FANCC: variants seen among roughly 807,000 people sequenced by gnomAD.
FANCC encodes the protein FA complementation group C, also known as Fanconi anemia group C protein.
FANCC carries 55 observed loss-of-function variants against 71.3 expected under a neutral mutation model. The ratio of observed to expected loss-of-function variants is 0.77; its 90% CI spans 0.62 to 0.97. FANCC has a LOEUF of 0.97. Among genes scored for constraint, FANCC ranks in the 50% least tolerant of loss-of-function variants. FANCC has a pLI of 0.00. For synonymous variants in FANCC, 275 were observed against 244.9 expected, an observed-to-expected ratio of 1.12 and a Z score of -1.15; for missense variants, 678 against 670.9, an observed-to-expected ratio of 1.01 and a Z score of -0.12.
intron 4 of FANCC, among the ~76,000 whole-genome samples, chr9:95,240,236 C>T (rs922405904): frequency 2.6e-5 from 4 of 152,160 alleles, no homozygotes; most frequent in Non-Finnish European, 4.4e-5. Flanking sequence ...CTGCTCCCGC[C>T]GCACTGCTGA....
At chr9:95,235,279 G>T (rs1830242707) in intron 4 of FANCC, among the ~76,000 whole-genome samples, 2 of 152,244 alleles carry the variant, frequency 1.3e-5, no homozygotes, top group South Asian at 4.1e-4. Flanking sequence ...CCTGATGCAT[G>T]ATGAAGGTGG....
intron 1 of FANCC, among the ~76,000 whole-genome samples, chr9:95,264,692 A>G (rs1390850784): frequency 6.6e-6 from 1 of 152,202 alleles, no homozygotes; most frequent in East Asian, 1.9e-4. Context: ...GAATGCTACA[A>G]AACACACTAA....
rs146354746 is a variant in FANCC, at chr9:95,149,726, G to A, written c.686+197C>T. Among the ~76,000 whole-genome samples the A allele has an allele frequency of 0.01, 1,570 of 152,176 alleles. 25 individuals carry two copies. The highest frequency in any genetic ancestry group is 0.035 in the African/African-American group (1,453 of 41,528). On this transcript the variant is annotated intron_variant, in intron 7 of 14. Coordinates refer to ENST00000289081, the MANE Select transcript of FANCC (RefSeq NM_000136.3). ...ACTCCTGACCTCAGGTGATCCACCC[G>A]CCTTGGCCTCCCAAAGTGCTGGGAT... is the stretch of plus-strand genomic sequence containing the variant.
At chr9:95,170,679 T>TGTGTGTG (rs1554842441) in intron 6 of FANCC, among the ~76,000 whole-genome samples, 106 of 144,704 alleles carry the variant, frequency 7.3e-4, no homozygotes, top group East Asian at 1.2e-3. Context: ...TGTGTGTGTG[T>TGTGTGTG]TGGGAGCAGA....
In FANCC at chr9:95,100,784, T is replaced by C. The variant is rs1397721883; in HGVS notation, c.*923A>G. The C allele has an allele frequency of 1.3e-5, 3 of 225,306 alleles. No homozygotes were observed. Among genetic ancestry groups the C allele is most frequent in the South Asian group, 1.8e-4 (1 of 5,452 alleles). 14.0% of individuals were successfully genotyped at this position (225,306 alleles called of 1,614,324 possible). A position where few individuals can be genotyped will look rare whatever the true frequency, so the allele number is the denominator to read the frequency against. ...TAGCTGGGATTACAGATGCATGCCATTGCACCCCGATAATTTTTGTATTTT... is the reference window on the plus strand; with the variant it reads ...TAGCTGGGATTACAGATGCATGCCACTGCACCCCGATAATTTTTGTATTTT... On this transcript the variant is annotated 3_prime_UTR_variant, in exon 15 of 15. Transcript: ENST00000289081.
chr9:95,317,310 T>TCCCACCTC (rs1259856075), intron 1 of FANCC: 5,895 of 148,742 alleles, frequency 0.04, 273 homozygotes, highest in East Asian at 0.11. Flanking sequence ...CCCGCCACCT[T>TCCCACCTC]CCGCCTCCCG....
At position 95,240,643 on chromosome 9, in the gene FANCC, T is replaced by A. The variant is rs368595927; in HGVS notation, c.345+6A>T. 85 of 1,594,126 alleles carry A rather than the reference T, an allele frequency of 5.3e-5. No homozygotes were observed. Among genetic ancestry groups the A allele is most frequent in the Non-Finnish European group, 6.2e-5 (72 of 1,162,050 alleles). On this transcript the variant is annotated splice_donor_region_variant and intron_variant, in intron 4 of 14. Coordinates refer to ENST00000289081, the MANE Select transcript of FANCC (RefSeq NM_000136.3). ...AAGAAGTGCAGAGCAAGATTTACTC[T>A]CTTACCTGTATCCAGGAGTTAAGTT...
intron 1 of FANCC, among the ~76,000 whole-genome samples, chr9:95,277,132 G>A (rs557272036): frequency 6.6e-6 from 1 of 152,282 alleles, no homozygotes; most frequent in East Asian, 1.9e-4. Flanking sequence ...TTCTGAAATA[G>A]ATGATTCTGA....
chr9:95,165,639 A>G (rs1831022692), intron 6 of FANCC, among the ~76,000 whole-genome samples: 1 of 152,002 alleles, frequency 6.6e-6, no homozygotes, highest in South Asian at 2.1e-4. Flanking sequence ...TGGTCAGAAA[A>G]AATAGTTACT....
intron 1 of FANCC, among the ~76,000 whole-genome samples, chr9:95,258,533 C>T (rs962646216): frequency 1.3e-5 from 2 of 152,224 alleles, no homozygotes; most frequent in South Asian, 2.1e-4. Flanking sequence ...ATTGATGGAA[C>T]GTATCTCAAA....
intron 3 of FANCC, among the ~76,000 whole-genome samples, chr9:95,244,719 C>T (rs1424155755): frequency 9.3e-6 from 1 of 107,532 alleles, no homozygotes; most frequent in Admixed American, 1.0e-4. Context: ...AAAAACCCAA[C>T]ACTTGGTAAA....
chr9:95,254,996 G>C (rs1831573046), intron 1 of FANCC, among the ~76,000 whole-genome samples: 1 of 152,158 alleles, frequency 6.6e-6, no homozygotes, highest in Non-Finnish European at 1.5e-5. Flanking sequence ...TAGCCAGACT[G>C]CCTCTCTAGA....
rs114700964 is a variant in FANCC at position 95,145,016 on chromosome 9, C to A, written c.686+4907G>T. Among the ~76,000 whole-genome samples the A allele has an allele frequency of 5.4e-3, 818 of 152,252 alleles. 6 individuals carry two copies. The highest frequency in any genetic ancestry group is 0.018 in the African/African-American group (732 of 41,528). On this transcript the variant is annotated intron_variant, in intron 7 of 14. Transcript: ENST00000289081. Reference sequence around the variant, plus strand: ...TTTATTTTTTTAGCCATGAAACCTGCATTTTGACCATTTTTCGAATCAAGT... The same window carrying A: ...TTTATTTTTTTAGCCATGAAACCTGAATTTTGACCATTTTTCGAATCAAGT...
chr9:95,146,724 C>A (rs943237052), intron 7 of FANCC, among the ~76,000 whole-genome samples: 1 of 151,830 alleles, frequency 6.6e-6, no homozygotes, highest in Non-Finnish European at 1.5e-5. Context: ...TCAAACACTG[C>A]AGACAGAGCC....
rs572653576 is a variant in FANCC at position 95,150,199 on chromosome 9, A to G, written c.522-112T>C. The G allele has an allele frequency of 3.2e-5, 33 of 1,039,144 alleles. No individual in the cohort carries two copies. In the African/African-American group the frequency reaches 4.9e-4, roughly 15 times the overall value. 64.4% of individuals were successfully genotyped at this position (1,039,144 alleles called of 1,614,324 possible). A position where few individuals can be genotyped will look rare whatever the true frequency, so the allele number is the denominator to read the frequency against. ...AAGACAGATCACCTGTTTTGCCTCT[A>G]AATAAAGAGAATGACTCTAACACCA... On this transcript the variant is annotated intron_variant, in intron 6 of 14. Transcript: ENST00000289081.
chr9:95,229,128 T>C (rs1829821709), intron 4 of FANCC, among the ~76,000 whole-genome samples: 1 of 151,912 alleles, frequency 6.6e-6, no homozygotes, highest in Non-Finnish European at 1.5e-5. Flanking sequence ...CAAAACCCCA[T>C]TTCTACTAAA....
chr9:95,265,218 T>C (rs1832313906), intron 1 of FANCC, among the ~76,000 whole-genome samples: 1 of 152,074 alleles, frequency 6.6e-6, no homozygotes, highest in Non-Finnish European at 1.5e-5. Context: ...GTAAACAAAA[T>C]CTGGGCCTAA....
At chr9:95,243,518 T>G (rs887282073) in intron 3 of FANCC, among the ~76,000 whole-genome samples, 2 of 152,022 alleles carry the variant, frequency 1.3e-5, no homozygotes, top group Non-Finnish European at 2.9e-5. Context: ...GGCGTGGTGG[T>G]TCACACCTGT....
At chr9:95,215,363 G>GGAGAGGGAGATGGA (rs947491383) in intron 4 of FANCC, among the ~76,000 whole-genome samples, 2 of 152,106 alleles carry the variant, frequency 1.3e-5, no homozygotes, top group African/African-American at 4.8e-5. Flanking sequence ...TAGGAGAGGA[G>GGAGAGGGAGATGGA]GAGAGGGAGA....
Sources: gnomAD v4.1 joint callset for allele counts (sites outside exome capture counted in the v4.1 genomes callset) on GRCh38, gnomAD v4.1.1 for gene constraint, MANE v1.5 for transcripts, NCBI Gene and HGNC (gene_info 2026-07-23, HGNC 2026-07-21) for gene names.